MYO9A: variants seen among roughly 807,000 people sequenced by gnomAD.
MYO9A encodes the protein myosin IXA.
Under a neutral mutation model 293.3 loss-of-function variants are expected in MYO9A, and 103 were observed. The observed-to-expected ratio is 0.35, with a 90% CI of 0.30 to 0.41. The LOEUF (loss-of-function observed/expected upper bound fraction) is 0.41. Ranked by LOEUF, MYO9A falls within the 10% of genes least tolerant of loss-of-function variation. MYO9A has a pLI of 1.00. For missense variants in MYO9A, 2,685 were observed against 3,033.0 expected (o/e 0.89, Z 2.69); for synonymous variants, 1,001 against 1,035.7 (o/e 0.97, Z 0.64).
chr15:71,868,949 G>A (rs1306715185), intron 32 of MYO9A, among the ~76,000 whole-genome samples: 2 of 152,138 alleles, frequency 1.3e-5, no homozygotes, highest in Non-Finnish European at 2.9e-5. Flanking sequence ...CATTTAGTTT[G>A]ATGCTCTAAT....
In MYO9A at chr15:71,903,989, G is replaced by A. The variant is rs375628589; in HGVS notation, c.2817C>T (p.Thr939=). The stretch of plus-strand genomic sequence containing the variant: ...GAATTCGAACTGTTTCCAGCATCCC[G>A]GTGTATCGAAGCTGTCTAAGTACCA... ...DVLVLRQLRY[T]GMLETVRIRQ... Residue 939 remains threonine (T), a synonymous_variant, in exon 21 of 42, where the codon ACC becomes ACT. Transcript: ENST00000356056. 1.7e-4 allele frequency: 280 copies of A among 1,613,838 alleles called. 1 individual carries two copies. The highest frequency in any genetic ancestry group is 4.2e-4 in the South Asian group (38 of 91,048).
chr15:72,027,742 C>T lies in MYO9A; in HGVS notation c.987G>A (p.Glu329=). The T allele has an allele frequency of 6.2e-7, 1 of 1,607,200 alleles. No individual in the cohort carries two copies. The highest frequency in any genetic ancestry group is 8.5e-7 in the Non-Finnish European group (1 of 1,177,096). The part of the protein sequence containing the change: ...LLEKSRLVYQ[E]HNERNYHVFY... ...ATAAAAATACGTACCGTTCATTATG[C>T]TCCTGATAAACGAGTCTGGACTTCT... The change falls in exon 4 of 42, where the codon GAG becomes GAA. Residue 329 remains glutamate, a synonymous_variant. Coordinates refer to ENST00000356056, the MANE Select transcript of MYO9A (RefSeq NM_006901.4).
At chr15:71,965,911 C>G (rs1477470832) in intron 13 of MYO9A, among the ~76,000 whole-genome samples, 2 of 151,790 alleles carry the variant, frequency 1.3e-5, no homozygotes, top group African/African-American at 2.4e-5. Flanking sequence ...GAGTCTCACT[C>G]TCTTTCTCAG....
chr15:71,938,857 G>T lies in MYO9A; in HGVS notation c.2373C>A (p.Asn791Lys), dbSNP rs763192972. 1 of 1,607,848 alleles carries T rather than the reference G, an allele frequency of 6.2e-7. No individual in the cohort carries two copies. The highest frequency in any genetic ancestry group is 8.5e-7 in the Non-Finnish European group (1 of 1,176,876). The part of the protein sequence containing the change: ...LQGMNALNEK[N>K]QHDTFDIAWN... Reference sequence around the variant, plus strand: ...CATAAACCAAACACACTTACTGTTGGTTTTTTTCATTTAGAGCATTCATGC... The same window carrying T: ...CATAAACCAAACACACTTACTGTTGTTTTTTTTCATTTAGAGCATTCATGC... The change falls in exon 16 of 42, where the codon AAC becomes AAA. Residue 791 changes from asparagine (N) to lysine (K), a missense_variant. By Grantham distance (94) the Asn-to-Lys change is moderately conservative (BLOSUM62 0). Around this residue, in one of 10 missense-constraint regions of MYO9A, gnomAD observed 1,434 missense variants for 1,497.7 expected, o/e 0.96. Coordinates refer to ENST00000356056, the MANE Select transcript of MYO9A (RefSeq NM_006901.4).
At chr15:72,022,223 T>TA (rs1366404683) in intron 4 of MYO9A, among the ~76,000 whole-genome samples, 6 of 152,144 alleles carry the variant, frequency 3.9e-5, no homozygotes, top group African/African-American at 7.2e-5. Flanking sequence ...TATATTATTT[T>TA]AAAAATCAAA....
intron 1 of MYO9A, among the ~76,000 whole-genome samples, chr15:72,046,981 C>T (rs1186366652): frequency 6.6e-6 from 1 of 152,158 alleles, no homozygotes; most frequent in African/African-American, 2.4e-5. Flanking sequence ...TTAACAAAGA[C>T]TGGATTAAGA....
intron 18 of MYO9A, among the ~76,000 whole-genome samples, chr15:71,927,339 G>A (rs1230756067): frequency 1.3e-5 from 2 of 152,122 alleles, no homozygotes; most frequent in Non-Finnish European, 2.9e-5. Context: ...TTCCTTTGCT[G>A]TGCAGAAGCT....
chr15:72,109,822 G>C (rs551174530), intron 1 of MYO9A, among the ~76,000 whole-genome samples: 1 of 151,694 alleles, frequency 6.6e-6, no homozygotes, highest in South Asian at 2.1e-4. Context: ...CTTGAACCTC[G>C]AAAGTGGAGG....
chr15:71,871,998 G>A (rs2056529880), intron 32 of MYO9A, among the ~76,000 whole-genome samples: 1 of 151,940 alleles, frequency 6.6e-6, no homozygotes, highest in African/African-American at 2.4e-5. Context: ...TCTCTGGGAA[G>A]AAGGGCTGGG....
intron 9 of MYO9A, among the ~76,000 whole-genome samples, chr15:71,995,011 C>T (rs1410497792): frequency 6.6e-6 from 1 of 152,208 alleles, no homozygotes; most frequent in Non-Finnish European, 1.5e-5. Context: ...GGATTACAGG[C>T]GTGAGCCACC....
At chr15:71,891,746 T>C (rs1263892576) in intron 26 of MYO9A, 1 of 152,186 alleles carries the variant, frequency 6.6e-6, no homozygotes. Context: ...TTTTCTCTTT[T>C]TGTTGTTGTT....
intron 27 of MYO9A, among the ~76,000 whole-genome samples, chr15:71,886,046 T>C (rs944385873): frequency 1.3e-5 from 2 of 152,132 alleles, no homozygotes; most frequent in African/African-American, 2.4e-5. Flanking sequence ...TGTTGATAGT[T>C]ACATTTGTCT....
chr15:72,031,991 C>A (rs563286502), intron 3 of MYO9A, among the ~76,000 whole-genome samples: 13 of 152,262 alleles, frequency 8.5e-5, no homozygotes, highest in African/African-American at 2.9e-4. Flanking sequence ...ACTGCAACCT[C>A]CACCTCCCAG....
intron 1 of MYO9A, among the ~76,000 whole-genome samples, chr15:72,109,043 G>T (rs796895003): frequency 7.2e-5 from 11 of 152,294 alleles, no homozygotes; most frequent in African/African-American, 2.6e-4. Flanking sequence ...GGTTACAGAT[G>T]TGAGTCACGG....
intron 13 of MYO9A, among the ~76,000 whole-genome samples, chr15:71,964,261 T>C (rs983823830): frequency 1.3e-5 from 2 of 152,228 alleles, no homozygotes; most frequent in African/African-American, 4.8e-5. Context: ...CTGCTTTATA[T>C]TGCACTGATT....
intron 10 of MYO9A, among the ~76,000 whole-genome samples, chr15:71,992,916 GAATT>G (rs1201760840): frequency 2.6e-5 from 4 of 151,696 alleles, no homozygotes; most frequent in Admixed American, 6.6e-5. Flanking sequence ...AAAAATGACA[GAATT>G]AACTGCAAAA....
intron 18 of MYO9A, among the ~76,000 whole-genome samples, chr15:71,916,933 C>T (rs778168495): frequency 6.6e-5 from 10 of 152,318 alleles, no homozygotes; most frequent in Admixed American, 3.3e-4. Context: ...CACAACTATA[C>T]TAAATGCAGC....
intron 1 of MYO9A, among the ~76,000 whole-genome samples, chr15:72,063,819 C>G (rs1297496114): frequency 6.6e-6 from 1 of 152,124 alleles, no homozygotes; most frequent in African/African-American, 2.4e-5. Flanking sequence ...CCCAAAAGAA[C>G]GGAAATCAGT....
chr15:71,875,258 T>C (rs1596081652), intron 32 of MYO9A, among the ~76,000 whole-genome samples: 1 of 152,236 alleles, frequency 6.6e-6, no homozygotes, highest in East Asian at 1.9e-4. Flanking sequence ...GTCTAATTTA[T>C]TTAATCATTT....
Sources: gnomAD v4.1 joint callset for allele counts (sites outside exome capture counted in the v4.1 genomes callset) on GRCh38, gnomAD v4.1.1 for gene constraint, gnomAD v4.1.1 regional missense constraint, MANE v1.5 for transcripts, NCBI Gene and HGNC (gene_info 2026-07-23, HGNC 2026-07-21) for gene names.